CSPP1: variants seen among roughly 807,000 people sequenced by gnomAD.
The protein encoded by CSPP1 is centrosome and spindle pole associated protein 1.
In CSPP1, 126 loss-of-function variants were observed where a neutral mutation model predicts 164.4. The observed-to-expected ratio is 0.77, with a 90% CI of 0.66 to 0.89. The LOEUF (loss-of-function observed/expected upper bound fraction) is 0.89, where lower values mean the gene tolerates loss of function less well. Among genes scored for constraint, CSPP1 ranks in the 40% least tolerant of loss-of-function variants. CSPP1 has a pLI of 0.00. For synonymous variants in CSPP1, 472 were observed against 476.7 expected (o/e 0.99, Z 0.13); for missense variants, 1,395 against 1,449.8 (o/e 0.96, Z 0.61).
At chr8:67,134,569 T>C (rs1338890253) in intron 16 of CSPP1, 1 of 149,248 alleles carries the variant, frequency 6.7e-6, no homozygotes, top group East Asian at 1.9e-4. Context: ...TTTTTTTTTT[T>C]TTTTTTTAAA....
chr8:67,077,033 A>C (rs1808071609), intron 3 of CSPP1, among the ~76,000 whole-genome samples: 1 of 152,228 alleles, frequency 6.6e-6, no homozygotes, highest in South Asian at 2.1e-4. Context: ...CTGTAGCCAT[A>C]CTAATGCTTT....
At chr8:67,152,748 C>A (rs1344715321) in intron 18 of CSPP1, among the ~76,000 whole-genome samples, 1 of 152,122 alleles carries the variant, frequency 6.6e-6, no homozygotes, top group African/African-American at 2.4e-5. Flanking sequence ...GGAAAATTTT[C>A]TAGAGGGAAA....
chr8:67,137,460 G>A lies in CSPP1; in HGVS notation c.1832G>A (p.Arg611Gln), dbSNP rs771386855. 1.5e-5 allele frequency: 22 copies of A among 1,502,134 alleles called. No individual in the cohort carries two copies. In the East Asian group the frequency reaches 2.1e-4, roughly 14 times the overall value. 93.1% of individuals were successfully genotyped at this position (1,502,134 alleles called of 1,614,324 possible). ...AATATATCTTATGTTGTCAAGATTC[G>A]GGAAAGAGAAGAAAGAAGGAAGAAA... ...SYQEALQQQI[R>Q]EREERRKKER... is the part of the protein sequence containing the mutation. The change falls in exon 17 of 31, where the codon CGG (arginine) becomes CAG (glutamine). Residue 611 changes from arginine (R) to glutamine (Q), a missense_variant. Transcript: ENST00000678616.
rs1390432642 is a variant in CSPP1, at chr8:67,137,526, C to G, written c.1898C>G (p.Ala633Gly). Residue 633 changes from alanine (A) to glycine (G), a missense_variant, in exon 17 of 31, where the codon GCT (alanine) becomes GGT (glycine). Transcript: ENST00000678616. ...GAAGAATATGAAGCTAAATTAGAAG[C>G]TGAAATGAGAACATATAATCCCTGG... ...EKEEYEAKLE[A>G]EMRTYNPWGK... The G allele has an allele frequency of 2.5e-6, 4 of 1,593,570 alleles. No homozygotes were observed. Among genetic ancestry groups the G allele is most frequent in the African/African-American group, 2.7e-5 (2 of 74,082 alleles).
intron 24 of CSPP1, among the ~76,000 whole-genome samples, chr8:67,171,087 ATT>A (rs765450150): frequency 2.8e-4 from 34 of 120,782 alleles, no homozygotes; most frequent in Admixed American, 2.5e-4. Flanking sequence ...TGCCCGGCCA[ATT>A]TTTTTTTTTT....
chr8:67,192,053 C>T (rs1836409453), intron 29 of CSPP1, among the ~76,000 whole-genome samples: 1 of 149,982 alleles, frequency 6.7e-6, no homozygotes, highest in African/African-American at 2.4e-5. Flanking sequence ...CTATTCAAAT[C>T]CTTTGCTGAT....
chr8:67,126,423 G>T (rs1184700860), intron 15 of CSPP1, among the ~76,000 whole-genome samples: 1 of 152,138 alleles, frequency 6.6e-6, no homozygotes, highest in Non-Finnish European at 1.5e-5. Flanking sequence ...TGTAAAGTCT[G>T]TATTCTTTGT....
At chr8:67,154,622 T>C (rs2129559216) in intron 19 of CSPP1, among the ~76,000 whole-genome samples, 1 of 152,272 alleles carries the variant, frequency 6.6e-6, no homozygotes, top group South Asian at 2.1e-4. Flanking sequence ...TACCTTGGCC[T>C]CTCAAAGTGC....
At chr8:67,134,489 T>G (rs1821839661) in intron 16 of CSPP1, 1 of 151,818 alleles carries the variant, frequency 6.6e-6, no homozygotes, top group Non-Finnish European at 1.5e-5. Flanking sequence ...GAAACAGTTG[T>G]GCAGCAATAC....
rs116048955 is a variant in CSPP1 at position 67,145,522 on chromosome 8, T to C, written c.1976-4261T>C. ...TTTCTCCCTTTTCTAATTTCTTTCT[T>C]TTTTTTTTGTTTTTGTTTTGAGACA... is the stretch of plus-strand genomic sequence containing the variant. On this transcript the variant is annotated intron_variant, in intron 17 of 30. Coordinates refer to ENST00000678616, the MANE Select transcript of CSPP1 (RefSeq NM_001382391.1). Among the ~76,000 whole-genome samples, 1,299 of 150,630 alleles carry C rather than the reference T, an allele frequency of 8.6e-3. 16 individuals are homozygous for C. The highest frequency in any genetic ancestry group is 0.03 in the African/African-American group (1,225 of 41,144).
chr8:67,175,486 C>T (rs757258532), intron 26 of CSPP1, 50 bp downstream of exon 26: 9 of 1,602,326 alleles, frequency 5.6e-6, no homozygotes, highest in African/African-American at 5.4e-5. Flanking sequence ...GCTGTTTTTC[C>T]GTAGGCTTTC....
chr8:67,156,556 T>C (rs1172041399), intron 19 of CSPP1, among the ~76,000 whole-genome samples: 1 of 152,188 alleles, frequency 6.6e-6, no homozygotes, highest in Non-Finnish European at 1.5e-5. Flanking sequence ...CAAAACCTAA[T>C]ATGTAATTCT....
At chr8:67,131,384 C>T (rs1459228951) in intron 15 of CSPP1, among the ~76,000 whole-genome samples, 3 of 151,894 alleles carry the variant, frequency 2.0e-5, no homozygotes, top group African/African-American at 7.3e-5. Context: ...AGGACCCTGT[C>T]CCAAAAAAAA....
At chr8:67,148,902 A>T (rs1235353571) in intron 17 of CSPP1, among the ~76,000 whole-genome samples, 1 of 152,238 alleles carries the variant, frequency 6.6e-6, no homozygotes, top group Non-Finnish European at 1.5e-5. Flanking sequence ...TATGTAATGA[A>T]TTAACCCAAA....
chr8:67,172,747 GACTA>G lies in CSPP1; in HGVS notation c.2968+196_2968+199del, dbSNP rs1219698174. 21 of 513,824 alleles carry G rather than the reference GACTA, an allele frequency of 4.1e-5. No homozygotes were observed. The Admixed American group carries it at 6.7e-4, about 16-fold the overall frequency. The allele number at this position is 513,824 out of a possible 1,614,324, so 31.8% of individuals were successfully genotyped here. A position where few individuals can be genotyped will look rare whatever the true frequency, so the allele number is the denominator to read the frequency against. On this transcript the variant is annotated intron_variant, in intron 25 of 30. Transcript: ENST00000678616. ...AGTCTGGTAGATGAAGCTTTAGTTT[GACTA>G]ACTGCTTTCTTTTGGAGAGCATACA... is the stretch of plus-strand genomic sequence containing the variant.
At chr8:67,116,972 A>G (rs1208517697) in intron 13 of CSPP1, among the ~76,000 whole-genome samples, 1 of 152,152 alleles carries the variant, frequency 6.6e-6, no homozygotes, top group Non-Finnish European at 1.5e-5. Flanking sequence ...TGACTCAGGA[A>G]TAGGAGGCAT....
In CSPP1 at chr8:67,175,073, T is replaced by TA. The variant is rs1178108770; in HGVS notation, c.2969-222dup. On this transcript the variant is annotated intron_variant, in intron 25 of 30. Coordinates refer to ENST00000678616, the MANE Select transcript of CSPP1 (RefSeq NM_001382391.1). ...CCACTGCTTGTTCTGGGGTATTCCT[T>TA]ATGTTGGTAAGTTTGTGAAAAGACA... 38 of 476,584 alleles carry TA rather than the reference T, an allele frequency of 8.0e-5. 1 individual carries two copies. In the Middle Eastern group the frequency reaches 2.9e-3, roughly 37 times the overall value. 29.5% of individuals were successfully genotyped at this position (476,584 alleles called of 1,614,324 possible). A position where few individuals can be genotyped will look rare whatever the true frequency, so the allele number is the denominator to read the frequency against.
intron 7 of CSPP1, among the ~76,000 whole-genome samples, chr8:67,096,882 TA>T (rs1216730267): frequency 2.0e-5 from 3 of 152,020 alleles, no homozygotes; most frequent in Non-Finnish European, 2.9e-5. Flanking sequence ...ACAATAAAAA[TA>T]AATGAATAAA....
chr8:67,115,419 C>T (rs994934053), intron 12 of CSPP1, among the ~76,000 whole-genome samples: 50 of 152,154 alleles, frequency 3.3e-4, no homozygotes, highest in Non-Finnish European at 1.5e-4. Flanking sequence ...GAAGCTCACA[C>T]CTGTAATTCC....
Sources: allele counts gnomAD v4.1 joint callset (sites outside exome capture counted in the v4.1 genomes callset), GRCh38; gene constraint gnomAD v4.1.1; transcripts MANE v1.5; gene names NCBI Gene and HGNC (gene_info 2026-07-23, HGNC 2026-07-21).